FRMD4A: variants seen among roughly 807,000 people sequenced by gnomAD.
The protein encoded by FRMD4A is FERM domain-containing protein 4A.
A neutral mutation model predicts 129.1 loss-of-function variants in FRMD4A; 29 were observed. The observed-to-expected ratio is 0.22, with a 90% confidence interval of 0.17 to 0.31. The LOEUF (loss-of-function observed/expected upper bound fraction) is 0.31. Ranked by LOEUF, FRMD4A falls within the 10% of genes least tolerant of loss-of-function variation. The pLI is 1.00. For synonymous variants in FRMD4A, 634 were observed against 571.6 expected (o/e 1.11, Z -1.56); for missense variants, 1,272 against 1,375.8 (o/e 0.92, Z 1.19).
chr10:13,788,467 G>A (rs1175725306), intron 5 of FRMD4A, among the ~76,000 whole-genome samples: 1 of 152,226 alleles, frequency 6.6e-6, no homozygotes, highest in Non-Finnish European at 1.5e-5. Context: ...GTGGCATGGT[G>A]TGGCCCCTTC....
intron 2 of FRMD4A, among the ~76,000 whole-genome samples, chr10:13,878,770 G>C (rs764680101): frequency 7.4e-6 from 1 of 135,006 alleles, no homozygotes; most frequent in Non-Finnish European, 1.6e-5. Context: ...AGAAAGAAAA[G>C]AAAGAGAGAG....
intron 13 of FRMD4A, among the ~76,000 whole-genome samples, chr10:13,703,174 T>C (rs1378714034): frequency 6.6e-6 from 1 of 152,136 alleles, no homozygotes; most frequent in African/African-American, 2.4e-5. Flanking sequence ...GGTACCTCCA[T>C]TTCTCAGGTA....
chr10:14,028,103 T>A (rs1833066072), intron 2 of FRMD4A, among the ~76,000 whole-genome samples: 1 of 152,236 alleles, frequency 6.6e-6, no homozygotes, highest in Non-Finnish European at 1.5e-5. Flanking sequence ...GGATGTTTTC[T>A]TAGTAACTAT....
At chr10:13,753,375 A>G (rs1357321039) in intron 8 of FRMD4A, among the ~76,000 whole-genome samples, 3 of 152,110 alleles carry the variant, frequency 2.0e-5, no homozygotes, top group African/African-American at 4.8e-5. Context: ...TTCCTGCCAT[A>G]GTGTGTGACC....
At chr10:13,910,909 AAAAAAAAAAAAAAAAAAG>A (rs1315209771) in intron 2 of FRMD4A, among the ~76,000 whole-genome samples, 4 of 140,196 alleles carry the variant, frequency 2.9e-5, no homozygotes, top group East Asian at 2.0e-4. Flanking sequence ...AAAAAAAAAA[AAAAAAAAAAAAAAAAAAG>A]TCTAGTGGTT....
chr10:14,168,597 T>C (rs1300174187), intron 2 of FRMD4A, among the ~76,000 whole-genome samples: 2 of 152,240 alleles, frequency 1.3e-5, no homozygotes, highest in African/African-American at 4.8e-5. Context: ...CTTGTATTCA[T>C]GGCAATGACA....
chr10:13,646,981 A>G lies in FRMD4A; in HGVS notation c.*57T>C. 1.0e-6 allele frequency: 1 copy of G among 984,916 alleles called. No individual in the cohort carries two copies. The highest frequency in any genetic ancestry group is 1.2e-6 in the Non-Finnish European group (1 of 829,020). 61.0% of individuals were successfully genotyped at this position (984,916 alleles called of 1,614,324 possible). On this transcript the variant is annotated 3_prime_UTR_variant, in exon 25 of 25. Transcript: ENST00000357447. ...CTTTTTCCTGCCCGTACCACTGGACATCAGCTAGTTCTGGATAGAGGGAGG... is the reference window on the plus strand; with the variant it reads ...CTTTTTCCTGCCCGTACCACTGGACGTCAGCTAGTTCTGGATAGAGGGAGG...
chr10:14,021,042 C>T (rs186572784), intron 2 of FRMD4A, among the ~76,000 whole-genome samples: 5 of 152,164 alleles, frequency 3.3e-5, no homozygotes, highest in Admixed American at 2.0e-4. Context: ...TCCTGTAAGC[C>T]GGGTAGCATT....
At chr10:13,875,008 T>C (rs2094474728) in intron 2 of FRMD4A, among the ~76,000 whole-genome samples, 1 of 152,138 alleles carries the variant, frequency 6.6e-6, no homozygotes, top group Non-Finnish European at 1.5e-5. Flanking sequence ...AACTCACACC[T>C]GGTGGATCCG....
chr10:14,272,347 G>GA (rs1845189756), intron 2 of FRMD4A, among the ~76,000 whole-genome samples: 1 of 152,180 alleles, frequency 6.6e-6, no homozygotes, highest in African/African-American at 2.4e-5. Flanking sequence ...ATCCAGAGGA[G>GA]ACCAGGTAGT....
intron 4 of FRMD4A, among the ~76,000 whole-genome samples, chr10:13,800,522 A>C (rs1002764230): frequency 1.1e-4 from 17 of 152,212 alleles, no homozygotes; most frequent in African/African-American, 3.6e-4. Context: ...TCAAAGAATA[A>C]GGAGGACCTG....
At chr10:14,330,220 CA>C (rs1843462239) in intron 1 of FRMD4A, 37 bp from the exon 2 acceptor site, 2 of 1,011,480 alleles carry the variant, frequency 2.0e-6, no homozygotes, top group Admixed American at 2.0e-5. Context: ...ACTTAGGGAG[CA>C]AAAGGCTCAA....
At chr10:13,911,321 T>A (rs1310333387) in intron 2 of FRMD4A, among the ~76,000 whole-genome samples, 1 of 152,212 alleles carries the variant, frequency 6.6e-6, no homozygotes, top group Non-Finnish European at 1.5e-5. Flanking sequence ...GAACAATTAA[T>A]CTTTTGTAAC....
intron 2 of FRMD4A, among the ~76,000 whole-genome samples, chr10:14,199,617 CG>C (rs1329191201): frequency 1.3e-5 from 2 of 151,982 alleles, no homozygotes; most frequent in African/African-American, 4.8e-5. Context: ...CTCAAACTCC[CG>C]ACCTCAGGTG....
chr10:13,675,311 C>T (rs1263733035), intron 15 of FRMD4A, among the ~76,000 whole-genome samples: 1 of 152,194 alleles, frequency 6.6e-6, no homozygotes. Context: ...AGAAATGTCA[C>T]ATACCTTTTT....
At chr10:14,225,962 C>T (rs1431582944) in intron 2 of FRMD4A, among the ~76,000 whole-genome samples, 1 of 152,152 alleles carries the variant, frequency 6.6e-6, no homozygotes, top group African/African-American at 2.4e-5. Context: ...AGATATTCTA[C>T]TGATAAGGAG....
At chr10:14,222,390 G>T (rs150092643) in intron 2 of FRMD4A, among the ~76,000 whole-genome samples, 98 of 152,318 alleles carry the variant, frequency 6.4e-4, no homozygotes, top group African/African-American at 2.4e-3. Flanking sequence ...CTTGGCCCCT[G>T]CTGAGCGTAC....
chr10:13,967,470 A>G (rs1308203344), intron 2 of FRMD4A, among the ~76,000 whole-genome samples: 1 of 152,210 alleles, frequency 6.6e-6, no homozygotes, highest in African/African-American at 2.4e-5. Flanking sequence ...AAATCTCACA[A>G]ACCACCGGTG....
intron 2 of FRMD4A, among the ~76,000 whole-genome samples, chr10:13,878,832 G>GAAGGAAGGAAGA (rs2094517570): frequency 6.6e-6 from 1 of 150,916 alleles, no homozygotes; most frequent in South Asian, 2.1e-4. Flanking sequence ...GGGAAGGAAG[G>GAAGGAAGGAAGA]AAGGAAGGAA....
Sources: gnomAD v4.1 joint callset for allele counts (sites outside exome capture counted in the v4.1 genomes callset) on GRCh38, gnomAD v4.1.1 for gene constraint, MANE v1.5 for transcripts, NCBI Gene and HGNC (gene_info 2026-07-23, HGNC 2026-07-21) for gene names.